DNAJC1: variants seen among roughly 807,000 people sequenced by gnomAD.
The protein encoded by DNAJC1 is DnaJ heat shock protein family (Hsp40) member C1, also known as dnaJ homolog subfamily C member 1.
A neutral mutation model predicts 76.6 loss-of-function variants in DNAJC1; 58 were observed. The observed-to-expected ratio is 0.76, with a 90% CI of 0.61 to 0.94. DNAJC1 has a LOEUF of 0.94. Among genes scored for constraint, DNAJC1 ranks in the 40% least tolerant of loss-of-function variants. The probability of loss-of-function intolerance (pLI) is 0.00; values close to 1 mark genes in which losing one functional copy is unlikely to be tolerated. For synonymous variants in DNAJC1, 258 were observed against 267.9 expected (o/e 0.96, Z 0.36); for missense variants, 689 against 677.3 (o/e 1.02, Z -0.19).
At chr10:21,775,510 A>G (rs1038235681) in intron 9 of DNAJC1, among the ~76,000 whole-genome samples, 1 of 152,034 alleles carries the variant, frequency 6.6e-6, no homozygotes, top group Admixed American at 6.6e-5. Context: ...GTAGTGGTCT[A>G]ATATAAAGCT....
At chr10:21,811,862 C>A (rs1299569643) in intron 8 of DNAJC1, among the ~76,000 whole-genome samples, 2 of 152,232 alleles carry the variant, frequency 1.3e-5, no homozygotes, top group Admixed American at 1.3e-4. Flanking sequence ...AAACGTACGT[C>A]TAACTTCGTA....
intron 1 of DNAJC1, among the ~76,000 whole-genome samples, chr10:21,967,582 G>A (rs1310018605): frequency 6.6e-6 from 1 of 152,074 alleles, no homozygotes; most frequent in Non-Finnish European, 1.5e-5. Context: ...CTGTTTGGCT[G>A]TTCTTTAAAA....
At chr10:21,803,589 CTGTGTGTGTGTGTGTGTG>C (rs113615504) in intron 9 of DNAJC1, among the ~76,000 whole-genome samples, 2 of 140,652 alleles carry the variant, frequency 1.4e-5, no homozygotes, top group Non-Finnish European at 3.1e-5. Context: ...GAGTGATTTT[CTGTGTGTGTGTGTGTGTG>C]TGTGTGTGTG....
At chr10:21,779,379 T>C (rs1049026004) in intron 9 of DNAJC1, among the ~76,000 whole-genome samples, 3 of 152,118 alleles carry the variant, frequency 2.0e-5, no homozygotes, top group African/African-American at 4.8e-5. Context: ...CACGGCCACA[T>C]ACCCCTCTGA....
At chr10:21,974,100 C>CAAAAAAAAAAAAAA (rs576578440) in intron 1 of DNAJC1, among the ~76,000 whole-genome samples, 1 of 74,362 alleles carries the variant, frequency 1.3e-5, no homozygotes, top group Non-Finnish European at 2.8e-5. Context: ...AGACCCGTCT[C>CAAAAAAAAAAAAAA]AAAAAAAAAA....
intron 1 of DNAJC1, among the ~76,000 whole-genome samples, chr10:21,988,282 A>G (rs559492717): frequency 6.6e-6 from 1 of 152,176 alleles, no homozygotes; most frequent in South Asian, 2.1e-4. Flanking sequence ...GCCTATAAGT[A>G]AAAATGTCTT....
chr10:21,825,442 T>C (rs1835232198), intron 8 of DNAJC1, among the ~76,000 whole-genome samples: 1 of 152,252 alleles, frequency 6.6e-6, no homozygotes, highest in Non-Finnish European at 1.5e-5. Flanking sequence ...GATGAACATC[T>C]GGGCTCCTTC....
intron 8 of DNAJC1, among the ~76,000 whole-genome samples, chr10:21,853,314 C>T (rs1363311433): frequency 1.3e-5 from 2 of 152,014 alleles, no homozygotes; most frequent in Non-Finnish European, 2.9e-5. Flanking sequence ...ACTCTCTGTA[C>T]TTTGAGTATT....
intron 1 of DNAJC1, among the ~76,000 whole-genome samples, chr10:21,997,603 A>G (rs1838441652): frequency 6.6e-6 from 1 of 152,112 alleles, no homozygotes; most frequent in African/African-American, 2.4e-5. Flanking sequence ...GGGTCTAGTG[A>G]TCAGTGGTGT....
chr10:21,935,452 A>G (rs1246524696), intron 1 of DNAJC1, among the ~76,000 whole-genome samples: 2 of 152,150 alleles, frequency 1.3e-5, no homozygotes, highest in Non-Finnish European at 2.9e-5. Context: ...AAAGGAAAAA[A>G]ATGAATAAAA....
chr10:21,868,807 T>C (rs1590023309), intron 8 of DNAJC1, among the ~76,000 whole-genome samples: 3 of 152,018 alleles, frequency 2.0e-5, no homozygotes, highest in African/African-American at 2.4e-5. Flanking sequence ...GGTCAGGCCA[T>C]GATGGGAAGG....
intron 1 of DNAJC1, among the ~76,000 whole-genome samples, chr10:21,941,922 C>T (rs147611024): frequency 6.6e-6 from 1 of 152,038 alleles, no homozygotes; most frequent in African/African-American, 2.4e-5. Context: ...GAGAAGGTAA[C>T]CACTATGTAA....
intron 8 of DNAJC1, among the ~76,000 whole-genome samples, chr10:21,835,756 C>T (rs543844867): frequency 1.3e-5 from 2 of 151,912 alleles, no homozygotes; most frequent in African/African-American, 2.4e-5. Context: ...TGAAATGAAG[C>T]GAGAAGAGAA....
intron 8 of DNAJC1, among the ~76,000 whole-genome samples, chr10:21,806,367 T>C (rs1049615252): frequency 6.6e-6 from 1 of 152,194 alleles, no homozygotes; most frequent in African/African-American, 2.4e-5. Flanking sequence ...AACCAGGTTT[T>C]GCAGACATTT....
chr10:21,932,412 A>T (rs1473792710), intron 1 of DNAJC1, among the ~76,000 whole-genome samples: 1 of 152,240 alleles, frequency 6.6e-6, no homozygotes, highest in Non-Finnish European at 1.5e-5. Context: ...ATGGCATGTC[A>T]GCAAAAAACA....
intron 3 of DNAJC1, among the ~76,000 whole-genome samples, chr10:21,922,132 T>C (rs536681661): frequency 1.3e-5 from 2 of 151,992 alleles, no homozygotes; most frequent in African/African-American, 2.4e-5. Context: ...CTCAAGTAAA[T>C]TGACCGATCT....
intron 8 of DNAJC1, among the ~76,000 whole-genome samples, chr10:21,879,669 A>G (rs1017172117): frequency 4.6e-5 from 7 of 152,226 alleles, no homozygotes; most frequent in African/African-American, 1.7e-4. Flanking sequence ...CTAAGTTTAC[A>G]TTGTAGCTTA....
chr10:21,972,299 C>T lies in DNAJC1; in HGVS notation c.222+30914G>A, dbSNP rs528623435. Among the ~76,000 whole-genome samples, 5 of 151,954 alleles carry T rather than the reference C, an allele frequency of 3.3e-5. No homozygotes were observed. In the East Asian group the frequency reaches 9.6e-4, roughly 29 times the overall value. On this transcript the variant is annotated intron_variant, in intron 1 of 11. Transcript: ENST00000376980. ...AAACAATCTGCAAACCAGCATGAGT[C>T]CACAGACCATATTTTGAGTAGCACT...
At chr10:21,871,941 T>C (rs1408045227) in intron 8 of DNAJC1, among the ~76,000 whole-genome samples, 1 of 151,832 alleles carries the variant, frequency 6.6e-6, no homozygotes, top group Non-Finnish European at 1.5e-5. Flanking sequence ...AGCCAAAATG[T>C]GCAATTTTCA....
Sources: allele counts gnomAD v4.1 joint callset (sites outside exome capture counted in the v4.1 genomes callset), GRCh38; gene constraint gnomAD v4.1.1; transcripts MANE v1.5; gene names NCBI Gene and HGNC (gene_info 2026-07-23, HGNC 2026-07-21).